Variants in GALNT1 observed in about 807,000 individuals in gnomAD.
GALNT1 encodes polypeptide N-acetylgalactosaminyltransferase 1.
In GALNT1, 17 loss-of-function variants were observed where a neutral mutation model predicts 65.7. The observed-to-expected ratio is 0.26, with a 90% CI of 0.18 to 0.39. GALNT1 has a LOEUF of 0.39. Ranked by LOEUF, GALNT1 falls within the 10% of genes least tolerant of loss-of-function variation. The pLI, the probability that GALNT1 is intolerant of heterozygous loss-of-function variation, is 1.00. For missense variants in GALNT1, 460 were observed against 672.8 expected (o/e 0.68, Z 3.50); for synonymous variants, 210 against 219.7 (o/e 0.96, Z 0.39).
At chr18:35,686,258 TAA>T (rs2047866247) in intron 5 of GALNT1, among the ~76,000 whole-genome samples, 1 of 152,196 alleles carries the variant, frequency 6.6e-6, no homozygotes, top group African/African-American at 2.4e-5. Context: ...GTCAATATCA[TAA>T]GAGTATCAAT....
At chr18:35,627,122 C>A (rs1247844340) in intron 1 of GALNT1, among the ~76,000 whole-genome samples, 1 of 152,164 alleles carries the variant, frequency 6.6e-6, no homozygotes, top group Admixed American at 6.5e-5. Flanking sequence ...GTGTCTTTGG[C>A]CTTCCCACCT....
chr18:35,660,113 G>C (rs2047456110), intron 2 of GALNT1, among the ~76,000 whole-genome samples: 1 of 152,132 alleles, frequency 6.6e-6, no homozygotes, highest in Admixed American at 6.5e-5. Context: ...TTTTGAAATA[G>C]TGAATATAGT....
rs1245440562 is a variant in GALNT1, at chr18:35,654,618, TTTATATATA to T, written c.-43_-35del. The T allele has an allele frequency of 1.8e-6, 2 of 1,087,530 alleles. No individual in the cohort carries two copies. The highest frequency in any genetic ancestry group is 4.0e-5 in the Admixed American group (1 of 25,070). The allele number at this position is 1,087,530 out of a possible 1,614,324, so 67.4% of individuals were successfully genotyped here. ...GAATAATTTTCATGATCTTTGTATA[TTTATATATA>T]TATATTTTTAAATTTTGCATTTGAC... On this transcript the variant is annotated 5_prime_UTR_variant, in exon 2 of 12. Transcript: ENST00000269195.
intron 1 of GALNT1, among the ~76,000 whole-genome samples, chr18:35,645,777 T>G (rs2047223503): frequency 1.3e-5 from 2 of 152,206 alleles, no homozygotes; most frequent in Non-Finnish European, 2.9e-5. Flanking sequence ...CAGACTGAAG[T>G]GAGGATACAT....
chr18:35,581,578 G>GGCGGCGGC (rs1233234531), upstream of GALNT1, among the ~76,000 whole-genome samples: 3 of 90 alleles, frequency 0.033, no homozygotes, highest in South Asian at 0.5. Flanking sequence ...CCAAGTGAGC[G>GGCGGCGGC]GGCAGGCGGC....
intron 9 of GALNT1, among the ~76,000 whole-genome samples, chr18:35,694,626 C>T (rs1441025052): frequency 6.6e-6 from 1 of 152,214 alleles, no homozygotes; most frequent in Non-Finnish European, 1.5e-5. Flanking sequence ...GTTACTTTTA[C>T]TTACATGTTT....
intron 1 of GALNT1, chr18:35,597,120 C>G (rs2046514908): frequency 6.6e-6 from 1 of 152,214 alleles, no homozygotes; most frequent in Admixed American, 6.5e-5. Flanking sequence ...CAGATTACCA[C>G]TGGGATGATT....
chr18:35,594,862 A>G lies in GALNT1; in HGVS notation c.-104+13000A>G, dbSNP rs1320851635. On this transcript the variant is annotated intron_variant, in intron 1 of 11. Coordinates refer to ENST00000269195, the MANE Select transcript of GALNT1 (RefSeq NM_020474.4). ...TTTTGGCTGAAGAGTAGTTTAAGGT[A>G]TAGACAGGCAGGTTGGTGTTGAGAC... Among the ~76,000 whole-genome samples, 5 of 152,190 alleles carry G rather than the reference A, an allele frequency of 3.3e-5. No homozygotes were observed. In the East Asian group the frequency reaches 7.7e-4, roughly 23 times the overall value.
chr18:35,652,204 C>G (rs1482177174), intron 1 of GALNT1, among the ~76,000 whole-genome samples: 3 of 152,188 alleles, frequency 2.0e-5, no homozygotes, highest in African/African-American at 7.2e-5. Context: ...CTTCTGTGAC[C>G]TCATTCCCTT....
chr18:35,707,100 T>C (rs1003113843), intron 11 of GALNT1, among the ~76,000 whole-genome samples: 2 of 152,184 alleles, frequency 1.3e-5, no homozygotes, highest in Non-Finnish European at 2.9e-5. Context: ...TTTTGATTAA[T>C]AGTTTTGAGT....
chr18:35,607,417 T>C (rs1186157139), intron 1 of GALNT1, among the ~76,000 whole-genome samples: 1 of 152,124 alleles, frequency 6.6e-6, no homozygotes, highest in African/African-American at 2.4e-5. Context: ...ACTCTATGGT[T>C]GTTTCTGCCC....
intron 3 of GALNT1, among the ~76,000 whole-genome samples, chr18:35,669,656 C>T (rs2047602535): frequency 6.6e-6 from 1 of 152,076 alleles, no homozygotes; most frequent in Non-Finnish European, 1.5e-5. Flanking sequence ...CCTTAGCAAA[C>T]TAGAATAGAA....
At chr18:35,673,928 G>T (rs1342903964) in intron 3 of GALNT1, among the ~76,000 whole-genome samples, 4 of 152,078 alleles carry the variant, frequency 2.6e-5, no homozygotes, top group African/African-American at 9.7e-5. Flanking sequence ...AACCTAGATG[G>T]TACAGCCTAC....
intron 1 of GALNT1, among the ~76,000 whole-genome samples, chr18:35,607,889 C>T (rs2046671506): frequency 6.6e-6 from 1 of 152,014 alleles, no homozygotes; most frequent in Non-Finnish European, 1.5e-5. Flanking sequence ...ATGTACCTAG[C>T]AAAAATTGGG....
chr18:35,589,559 C>A (rs900502428), intron 1 of GALNT1, among the ~76,000 whole-genome samples: 1 of 152,086 alleles, frequency 6.6e-6, no homozygotes, highest in Admixed American at 6.5e-5. Context: ...CTCCAGAAAG[C>A]TGGGATATAT....
At chr18:35,598,854 A>G (rs1379992360) in intron 1 of GALNT1, among the ~76,000 whole-genome samples, 1 of 152,166 alleles carries the variant, frequency 6.6e-6, no homozygotes, top group Non-Finnish European at 1.5e-5. Flanking sequence ...CCAACAGCAT[A>G]TAAGGGCTCC....
chr18:35,582,651 G>C lies in GALNT1; in HGVS notation c.-104+789G>C, dbSNP rs559220885. On this transcript the variant is annotated intron_variant, in intron 1 of 11. Coordinates refer to ENST00000269195, the MANE Select transcript of GALNT1 (RefSeq NM_020474.4). Reference sequence around the variant, plus strand: ...TTCTGAACTGTTTCTGGAGGGCAGAGAATGTCACTTTGATCATATCTTATG... The same window carrying C: ...TTCTGAACTGTTTCTGGAGGGCAGACAATGTCACTTTGATCATATCTTATG... Among the ~76,000 whole-genome samples the C allele has an allele frequency of 8.4e-4, 128 of 152,332 alleles. 1 individual carries two copies. Among genetic ancestry groups the C allele is most frequent in the African/African-American group, 2.6e-3 (110 of 41,588 alleles).
chr18:35,588,890 T>C (rs530891679), intron 1 of GALNT1, among the ~76,000 whole-genome samples: 1 of 152,362 alleles, frequency 6.6e-6, no homozygotes, highest in East Asian at 1.9e-4. Flanking sequence ...AACATCTCTC[T>C]TCTTGGTGTT....
At chr18:35,669,698 A>G (rs2047603474) in intron 3 of GALNT1, among the ~76,000 whole-genome samples, 1 of 152,186 alleles carries the variant, frequency 6.6e-6, no homozygotes, top group African/African-American at 2.4e-5. Context: ...AAAGATTTCT[A>G]GAAAAACAAA....
Sources: allele counts gnomAD v4.1 joint callset (sites outside exome capture counted in the v4.1 genomes callset), GRCh38; gene constraint gnomAD v4.1.1; transcripts MANE v1.5; gene names NCBI Gene and HGNC (gene_info 2026-07-23, HGNC 2026-07-21).